SLC38A11: variants seen among roughly 807,000 people sequenced by gnomAD.
SLC38A11 encodes putative sodium-coupled neutral amino acid transporter 11.
A neutral mutation model predicts 49.4 loss-of-function variants in SLC38A11; 51 were observed. The observed-to-expected ratio is 1.03, with a 90% CI of 0.83 to 1.30. SLC38A11 has a LOEUF of 1.30. Ranked by LOEUF, SLC38A11 falls within the 50% of genes most tolerant of loss-of-function variation. The pLI is 0.00. For missense variants in SLC38A11, 574 were observed against 556.2 expected (o/e 1.03, Z -0.32); for synonymous variants, 203 against 192.9 (o/e 1.05, Z -0.43).
intron 7 of SLC38A11, among the ~76,000 whole-genome samples, chr2:164,917,508 C>A (rs1157836082): frequency 6.6e-6 from 1 of 152,158 alleles, no homozygotes; most frequent in Non-Finnish European, 1.5e-5. Flanking sequence ...GCCTCCACTA[C>A]TCTAAAAGCA....
intron 8 of SLC38A11, 131 bp downstream of exon 8, chr2:164,915,772 G>T: frequency 3.1e-6 from 2 of 645,624 alleles, no homozygotes; most frequent in South Asian, 2.9e-5. Context: ...GCACAAACTA[G>T]ATCATATGCT....
chr2:164,952,069 G>A (rs537573956), intron 3 of SLC38A11, among the ~76,000 whole-genome samples: 6 of 152,234 alleles, frequency 3.9e-5, no homozygotes, highest in South Asian at 4.1e-4. Context: ...AGGCGGGGAC[G>A]AGGACAACAA....
At chr2:164,926,711 T>C (rs1450270657) in intron 7 of SLC38A11, among the ~76,000 whole-genome samples, 1 of 151,890 alleles carries the variant, frequency 6.6e-6, no homozygotes, top group Non-Finnish European at 1.5e-5. Context: ...ATGTCCTTTG[T>C]AGGGACATGG....
At chr2:164,932,731 T>C (rs557582629) in intron 7 of SLC38A11, among the ~76,000 whole-genome samples, 1 of 152,112 alleles carries the variant, frequency 6.6e-6, no homozygotes, top group South Asian at 2.1e-4. Context: ...CTGGGACCTA[T>C]CAGAGGGTGG....
At chr2:164,954,460 T>G (rs1162215317) in intron 2 of SLC38A11, among the ~76,000 whole-genome samples, 171 bp downstream of exon 2, 1 of 152,178 alleles carries the variant, frequency 6.6e-6, no homozygotes, top group Non-Finnish European at 1.5e-5. Context: ...ATAAAAGACA[T>G]GCATACATAC....
At chr2:164,943,920 G>A (rs1394258533) in intron 5 of SLC38A11, among the ~76,000 whole-genome samples, 1 of 152,094 alleles carries the variant, frequency 6.6e-6, no homozygotes, top group African/African-American at 2.4e-5. Flanking sequence ...GCAGTGGCAC[G>A]ATCACAGCTC....
intron 11 of SLC38A11, among the ~76,000 whole-genome samples, chr2:164,903,277 G>A (rs1252419466): frequency 6.6e-6 from 1 of 152,188 alleles, no homozygotes; most frequent in Non-Finnish European, 1.5e-5. Context: ...ACTGCAGATT[G>A]TGGAAGTACT....
intron 7 of SLC38A11, among the ~76,000 whole-genome samples, chr2:164,930,120 A>G (rs1686890845): frequency 1.3e-5 from 2 of 152,114 alleles, no homozygotes; most frequent in Admixed American, 1.3e-4. Flanking sequence ...AATATTATGA[A>G]CACCTCCATG....
At chr2:164,903,617 G>A (rs952497975) in intron 11 of SLC38A11, among the ~76,000 whole-genome samples, 3 of 152,116 alleles carry the variant, frequency 2.0e-5, no homozygotes, top group Non-Finnish European at 4.4e-5. Context: ...TGAATTAGTC[G>A]AGCTGATTTG....
chr2:164,916,880 A>G (rs1386274254), intron 7 of SLC38A11, among the ~76,000 whole-genome samples: 1 of 152,122 alleles, frequency 6.6e-6, no homozygotes, highest in Non-Finnish European at 1.5e-5. Context: ...CCTTCCACTT[A>G]TTAGCTGTGT....
At chr2:164,946,830 T>A (rs1688144760) in intron 3 of SLC38A11, among the ~76,000 whole-genome samples, 1 of 152,108 alleles carries the variant, frequency 6.6e-6, no homozygotes, top group South Asian at 2.1e-4. Context: ...CAATATGGTT[T>A]CCCCCTGATT....
chr2:164,930,079 G>T (rs946224477), intron 7 of SLC38A11, among the ~76,000 whole-genome samples: 1 of 151,800 alleles, frequency 6.6e-6, no homozygotes, highest in Non-Finnish European at 1.5e-5. Context: ...TATTACCACT[G>T]ACCCCACAGA....
rs1008474516 is a variant in SLC38A11, at chr2:164,954,637, T to C, written c.148A>G (p.Ile50Val). Residue 50 changes from isoleucine to valine, a missense_variant, in exon 2 of 12, where the codon ATA (isoleucine) becomes GTA (valine). Physicochemically the swap from Ile to Val is conservative, Grantham distance 29. Transcript: ENST00000685975. The stretch of plus-strand genomic sequence containing the variant: ...CCAAAGCAAATACACTTACCTATTA[T>C]ACCAGATCCTATAATCGAGTTGACA... ...NVVNSIIGSG[I>V]IGLPYSMKQA... The C allele has an allele frequency of 2.6e-5, 40 of 1,512,620 alleles. No homozygotes were observed. The highest frequency in any genetic ancestry group is 3.4e-5 in the Non-Finnish European group (38 of 1,121,880). 93.7% of individuals were successfully genotyped at this position (1,512,620 alleles called of 1,614,324 possible).
intron 10 of SLC38A11, among the ~76,000 whole-genome samples, chr2:164,910,595 C>G (rs1466576335): frequency 6.6e-6 from 1 of 152,054 alleles, no homozygotes; most frequent in Non-Finnish European, 1.5e-5. Context: ...TTCTGTTTCC[C>G]CGTGCAGTCA....
At chr2:164,946,955 T>C (rs1559130318) in intron 3 of SLC38A11, among the ~76,000 whole-genome samples, 1 of 152,078 alleles carries the variant, frequency 6.6e-6, no homozygotes, top group Non-Finnish European at 1.5e-5. Flanking sequence ...CTGTTTCTCG[T>C]TGTCGTTGTT....
At chr2:164,911,794 T>C in intron 9 of SLC38A11, 46 bp from the exon 10 acceptor site, 1 of 1,044,388 alleles carries the variant, frequency 9.6e-7, no homozygotes, top group South Asian at 1.7e-5. Context: ...TACTAAATGT[T>C]TGAGATAACT....
chr2:164,951,002 T>C (rs1688488183), intron 3 of SLC38A11, among the ~76,000 whole-genome samples: 1 of 152,204 alleles, frequency 6.6e-6, no homozygotes. Context: ...ATTTGGATCA[T>C]GCAAGTAAAT....
At chr2:164,911,775 T>G (rs1490919330) in intron 9 of SLC38A11, 27 bp from the exon 10 acceptor site, 1 of 1,279,734 alleles carries the variant, frequency 7.8e-7, no homozygotes, top group South Asian at 1.4e-5. Flanking sequence ...AATAAGTTTA[T>G]TTACTAGATA....
At chr2:164,939,381 G>T in intron 6 of SLC38A11, 69 bp downstream of exon 6, 1 of 1,030,254 alleles carries the variant, frequency 9.7e-7, no homozygotes, top group Non-Finnish European at 1.4e-6. Flanking sequence ...TAAGAACTTT[G>T]CCAAGTAGAC....
Sources: gnomAD v4.1 joint callset for allele counts (sites outside exome capture counted in the v4.1 genomes callset) on GRCh38, gnomAD v4.1.1 for gene constraint, MANE v1.5 for transcripts, NCBI Gene and HGNC (gene_info 2026-07-23, HGNC 2026-07-21) for gene names.